Variants in TENM4 observed in about 807,000 individuals in gnomAD.
The protein encoded by TENM4 is teneurin transmembrane protein 4.
A neutral mutation model predicts 243.3 loss-of-function variants in TENM4; 82 were observed. That is an observed-to-expected ratio of 0.34 (90% CI 0.28 to 0.40). The LOEUF is 0.40. Ranked by LOEUF, TENM4 falls within the 10% of genes least tolerant of loss-of-function variation. TENM4 has a pLI of 1.00. For synonymous variants in TENM4, 1,412 were observed against 1,456.3 expected (o/e 0.97, Z 0.69); for missense variants, 3,138 against 3,673.3 (o/e 0.85, Z 3.77).
intron 9 of TENM4, among the ~76,000 whole-genome samples, chr11:78,872,722 T>C (rs1421247327): frequency 3.9e-5 from 6 of 152,228 alleles, no homozygotes; most frequent in Admixed American, 2.6e-4. Context: ...GAGAAGGTGC[T>C]TGTTGCTATG....
intron 4 of TENM4, among the ~76,000 whole-genome samples, chr11:79,089,712 G>T (rs925611519): frequency 6.6e-6 from 1 of 152,160 alleles, no homozygotes; most frequent in Non-Finnish European, 1.5e-5. Flanking sequence ...TGTGGGGTCT[G>T]GCTCAAGAGA....
chr11:79,343,708 T>G (rs1484226748), intron 1 of TENM4, among the ~76,000 whole-genome samples: 5 of 152,234 alleles, frequency 3.3e-5, no homozygotes, highest in Non-Finnish European at 7.3e-5. Context: ...CTCCACTTTC[T>G]TCTCTGTGCT....
chr11:78,903,913 T>G (rs890302533), intron 6 of TENM4: 16 of 497,302 alleles, frequency 3.2e-5, no homozygotes, highest in African/African-American at 3.1e-4. Context: ...GAGATGAAAA[T>G]AAGCCCTGCC....
At chr11:79,234,859 C>T (rs115013221) in intron 2 of TENM4, among the ~76,000 whole-genome samples, 1,586 of 152,220 alleles carry the variant, frequency 0.01, 26 homozygotes, top group African/African-American at 0.036. Context: ...GAGCCTTTTC[C>T]CTGGATGCGG....
intron 2 of TENM4, among the ~76,000 whole-genome samples, chr11:79,234,252 A>G (rs1485950439): frequency 6.6e-6 from 1 of 152,216 alleles, no homozygotes; most frequent in Non-Finnish European, 1.5e-5. Context: ...AATGGGGAGA[A>G]AATTGCTATA....
chr11:79,372,746 CT>C (rs1372503708), intron 1 of TENM4, among the ~76,000 whole-genome samples: 1 of 152,120 alleles, frequency 6.6e-6, no homozygotes, highest in Non-Finnish European at 1.5e-5. Context: ...AGATATGGGG[CT>C]TGGCATGCAG....
Position 78,676,231 on chromosome 11 carries a change from T to G in TENM4, c.5417A>C (p.Asn1806Thr). 6.2e-7 allele frequency: 1 copy of G among 1,605,904 alleles called. No individual in the cohort carries two copies. Among genetic ancestry groups the G allele is most frequent in the East Asian group, 2.2e-5 (1 of 44,610 alleles). Residue 1806 changes from asparagine (N) to threonine (T), a missense_variant, in exon 30 of 34, where the codon AAC (asparagine) becomes ACC (threonine). By Grantham distance (65) the Asn-to-Thr change is moderately conservative (BLOSUM62 0). This residue lies in a region of TENM4 where 2,467 missense variants were observed against 3,059.1 expected (regional missense o/e 0.81). Coordinates refer to ENST00000278550, the MANE Select transcript of TENM4 (RefSeq NM_001098816.3). The stretch of plus-strand genomic sequence containing the variant: ...GCGCCACTCCACCAGGTTGAGGCCG[T>G]TGTCGATGGGCAGCGTGACATTCCT... ...GKRNVTLPID[N>T]GLNLVEWRQR...
rs895607475 is a variant in TENM4, at chr11:79,438,717, T to C, written c.-321+1792A>G. Among the ~76,000 whole-genome samples, 19 of 152,266 alleles carry C rather than the reference T, an allele frequency of 1.2e-4. No individual in the cohort carries two copies. Among genetic ancestry groups the C allele is most frequent in the African/African-American group, 3.6e-4 (15 of 41,562 alleles). On this transcript the variant is annotated intron_variant, in intron 1 of 33. Transcript: ENST00000278550. The surrounding 1 kb of genome is among the most constrained non-coding windows in gnomAD (Gnocchi z 4.1). The stretch of plus-strand genomic sequence containing the variant: ...ACCAAGTCAGTTTCTGAAAACGGCG[T>C]TCCCTGGAAGGCCTTCCAACACCTC...
At chr11:79,240,754 A>G (rs995746498) in intron 2 of TENM4, among the ~76,000 whole-genome samples, 2 of 152,154 alleles carry the variant, frequency 1.3e-5, no homozygotes, top group South Asian at 2.1e-4. Flanking sequence ...TTAAAAATAA[A>G]TGATTCCATT....
chr11:78,933,918 G>T (rs542388260), intron 6 of TENM4, among the ~76,000 whole-genome samples: 1 of 152,110 alleles, frequency 6.6e-6, no homozygotes, highest in Non-Finnish European at 1.5e-5. Flanking sequence ...TCCACCAACT[G>T]CAGATACAAA....
intron 6 of TENM4, among the ~76,000 whole-genome samples, chr11:79,022,478 G>C (rs943785837): frequency 6.6e-6 from 1 of 152,152 alleles, no homozygotes; most frequent in Non-Finnish European, 1.5e-5. Flanking sequence ...ATGAGTCCCA[G>C]GACCAGGGGA....
At chr11:78,704,216 A>G (rs1335336770) in intron 27 of TENM4, among the ~76,000 whole-genome samples, 6 of 138,464 alleles carry the variant, frequency 4.3e-5, no homozygotes, top group Non-Finnish European at 9.2e-5. Flanking sequence ...GGGCTTTGCT[A>G]TATTACCCAG....
intron 1 of TENM4, among the ~76,000 whole-genome samples, chr11:79,392,723 C>T (rs897992134): frequency 1.2e-4 from 19 of 152,210 alleles, no homozygotes; most frequent in African/African-American, 4.1e-4. Context: ...TACAGAGCCC[C>T]TCTGAATGTC....
chr11:79,421,722 A>G (rs1280223012), intron 1 of TENM4, among the ~76,000 whole-genome samples: 9 of 151,676 alleles, frequency 5.9e-5, no homozygotes, highest in Admixed American at 1.3e-4. Context: ...AAAAAAAAAC[A>G]GTTATCAGCA....
At chr11:79,275,819 G>A (rs1856045845) in intron 2 of TENM4, among the ~76,000 whole-genome samples, 1 of 152,240 alleles carries the variant, frequency 6.6e-6, no homozygotes, top group Non-Finnish European at 1.5e-5. Context: ...CTCCCTGGGT[G>A]ACAGGTAATC....
At position 78,727,591 on chromosome 11, in the gene TENM4, A is replaced by T. The variant is rs532362163; in HGVS notation, c.3407-1369T>A. ...AGGAAAAATGTTTAAAGTCATTTACAGTGAATATATAGAAAAGGAACTTAG... is the reference window on the plus strand; with the variant it reads ...AGGAAAAATGTTTAAAGTCATTTACTGTGAATATATAGAAAAGGAACTTAG... On this transcript the variant is annotated intron_variant, in intron 22 of 33. Transcript: ENST00000278550. 2.7e-3 allele frequency among the ~76,000 whole-genome samples: 412 copies of T among 152,308 alleles called. 3 individuals are homozygous for T. The highest frequency in any genetic ancestry group is 9.4e-3 in the African/African-American group (389 of 41,572).
chr11:79,162,265 G>A (rs1026728731), intron 3 of TENM4, among the ~76,000 whole-genome samples: 3 of 152,132 alleles, frequency 2.0e-5, no homozygotes, highest in African/African-American at 7.2e-5. Flanking sequence ...TACTAGTTCT[G>A]TGATATGGGA....
chr11:79,203,982 T>C (rs1330264009), intron 3 of TENM4, among the ~76,000 whole-genome samples: 1 of 152,194 alleles, frequency 6.6e-6, no homozygotes, highest in Non-Finnish European at 1.5e-5. Flanking sequence ...AAAAAACACA[T>C]GTTGTATGAT....
intron 32 of TENM4, among the ~76,000 whole-genome samples, chr11:78,664,191 A>G (rs1220409539): frequency 6.6e-6 from 1 of 152,210 alleles, no homozygotes; most frequent in Admixed American, 6.5e-5. Flanking sequence ...GAAGAATACA[A>G]AGTGTTACCA....
Sources: gnomAD v4.1 joint callset for allele counts (sites outside exome capture counted in the v4.1 genomes callset) on GRCh38, gnomAD v4.1.1 for gene constraint, gnomAD v4.1.1 regional missense constraint, Gnocchi (gnomAD v3.1) non-coding constraint, MANE v1.5 for transcripts, NCBI Gene and HGNC (gene_info 2026-07-23, HGNC 2026-07-21) for gene names.